The following KCNQ5 variants were observed in gnomAD, a reference collection of about 807,000 sequenced individuals.
KCNQ5 encodes the protein potassium voltage-gated channel subfamily KQT member 5.
KCNQ5 carries 30 observed loss-of-function variants against 98.2 expected under a neutral mutation model. That is an observed-to-expected ratio of 0.31 (90% CI 0.23 to 0.41). The LOEUF (loss-of-function observed/expected upper bound fraction) is 0.41. Ranked by LOEUF, KCNQ5 falls within the 10% of genes least tolerant of loss-of-function variation. The pLI is 1.00. For missense variants in KCNQ5, 835 were observed against 1,182.5 expected, an observed-to-expected ratio of 0.71 and a Z score of 4.31; for synonymous variants, 458 against 449.4, an observed-to-expected ratio of 1.02 and a Z score of -0.24.
intron 1 of KCNQ5, among the ~76,000 whole-genome samples, chr6:72,907,718 G>T (rs1245142858): frequency 6.6e-6 from 1 of 152,066 alleles, no homozygotes; most frequent in Non-Finnish European, 1.5e-5. Flanking sequence ...TGACAAGTCA[G>T]TATAAATGAT....
At chr6:73,129,042 T>G (rs1232986573) in intron 9 of KCNQ5, among the ~76,000 whole-genome samples, 1 of 152,232 alleles carries the variant, frequency 6.6e-6, no homozygotes, top group East Asian at 1.9e-4. Flanking sequence ...CTTTCTTCTG[T>G]GTGCAATGAA....
At chr6:73,048,912 T>C (rs1467787647) in intron 3 of KCNQ5, among the ~76,000 whole-genome samples, 2 of 152,252 alleles carry the variant, frequency 1.3e-5, no homozygotes, top group African/African-American at 4.8e-5. Context: ...TTAGTTATGA[T>C]GATTGCAGTG....
At chr6:72,644,434 G>A (rs572008189) in intron 1 of KCNQ5, among the ~76,000 whole-genome samples, 1 of 152,248 alleles carries the variant, frequency 6.6e-6, no homozygotes, top group East Asian at 1.9e-4. Context: ...AGTGTTAGCT[G>A]GGAACATATG....
At chr6:73,031,585 G>T (rs907658923) in intron 2 of KCNQ5, among the ~76,000 whole-genome samples, 3 of 152,164 alleles carry the variant, frequency 2.0e-5, no homozygotes, top group South Asian at 4.1e-4. Context: ...AATGGGTAAG[G>T]CATTTCTCTA....
At chr6:73,176,335 C>G (rs1037133863) in intron 11 of KCNQ5, among the ~76,000 whole-genome samples, 1 of 152,200 alleles carries the variant, frequency 6.6e-6, no homozygotes, top group Non-Finnish European at 1.5e-5. Flanking sequence ...TCTCTTTCTT[C>G]CTGCTGCTCC....
chr6:72,852,640 A>AATATATATATATATATAT (rs140435793), intron 1 of KCNQ5, among the ~76,000 whole-genome samples: 1,855 of 56,516 alleles, frequency 0.033, 219 homozygotes, highest in Admixed American at 0.07. Context: ...ATGAAGGGGA[A>AATATATATATATATATAT]ATATATATAT....
chr6:73,048,502 C>T (rs760795553), intron 3 of KCNQ5, among the ~76,000 whole-genome samples: 18 of 152,150 alleles, frequency 1.2e-4, no homozygotes, highest in Non-Finnish European at 2.1e-4. Context: ...TAAAGACAGG[C>T]CACCAGGCAA....
chr6:72,887,552 A>G (rs1778893219), intron 1 of KCNQ5, among the ~76,000 whole-genome samples: 1 of 152,218 alleles, frequency 6.6e-6, no homozygotes, highest in Non-Finnish European at 1.5e-5. Context: ...TTGACTACAA[A>G]TAATTGAAAA....
At chr6:72,719,626 A>G (rs1171521242) in intron 1 of KCNQ5, among the ~76,000 whole-genome samples, 1 of 152,130 alleles carries the variant, frequency 6.6e-6, no homozygotes, top group Non-Finnish European at 1.5e-5. Flanking sequence ...GCTTAGAGAT[A>G]CTTCTCTGTG....
intron 1 of KCNQ5, among the ~76,000 whole-genome samples, chr6:72,789,971 G>A (rs954043645): frequency 7.9e-5 from 12 of 152,160 alleles, no homozygotes; most frequent in Non-Finnish European, 5.9e-5. Context: ...GGCCCAGTGC[G>A]AGAGAACAGA....
chr6:72,705,506 T>G (rs1357755968), intron 1 of KCNQ5, among the ~76,000 whole-genome samples: 2 of 152,120 alleles, frequency 1.3e-5, no homozygotes, highest in African/African-American at 2.4e-5. Flanking sequence ...ATTGACATGT[T>G]GAAGCATTTT....
rs1300470994 is a variant in KCNQ5 at position 72,840,035 on chromosome 6, A to T, written c.399-163873A>T. On this transcript the variant is annotated intron_variant, in intron 1 of 13. Coordinates refer to ENST00000370398, the MANE Select transcript of KCNQ5 (RefSeq NM_019842.4). ...TCCCTCCCAACCTCTGGTAACTACC[A>T]ATCTACTCTGTGTTTTTATGAGTTT... is the stretch of plus-strand genomic sequence containing the variant. Among the ~76,000 whole-genome samples, 99 of 152,206 alleles carry T rather than the reference A, an allele frequency of 6.5e-4. 1 individual carries two copies. The highest frequency in any genetic ancestry group is 6.5e-3 in the Admixed American group (99 of 15,276).
intron 1 of KCNQ5, among the ~76,000 whole-genome samples, chr6:72,908,156 A>C (rs971552968): frequency 1.3e-5 from 2 of 152,094 alleles, no homozygotes; most frequent in African/African-American, 4.8e-5. Context: ...ATTTAAAAAG[A>C]GCTCAAATAC....
intron 1 of KCNQ5, among the ~76,000 whole-genome samples, chr6:72,716,341 G>A (rs1401768229): frequency 2.0e-5 from 3 of 152,226 alleles, no homozygotes; most frequent in Non-Finnish European, 4.4e-5. Flanking sequence ...CATGGTATGT[G>A]TGGTCATACT....
At chr6:72,729,203 A>G (rs1770432877) in intron 1 of KCNQ5, among the ~76,000 whole-genome samples, 1 of 152,198 alleles carries the variant, frequency 6.6e-6, no homozygotes, top group African/African-American at 2.4e-5. Flanking sequence ...AATTGTTGCA[A>G]TGACTAATCT....
intron 11 of KCNQ5, among the ~76,000 whole-genome samples, chr6:73,188,788 G>A (rs1003996028): frequency 6.6e-6 from 1 of 151,994 alleles, no homozygotes; most frequent in Non-Finnish European, 1.5e-5. Flanking sequence ...TTCGAGACCA[G>A]CCTGGCCAAT....
chr6:73,057,900 A>ATAGAG (rs1422672224), intron 3 of KCNQ5, among the ~76,000 whole-genome samples: 7 of 152,216 alleles, frequency 4.6e-5, no homozygotes, highest in African/African-American at 1.7e-4. Flanking sequence ...TACAAAACAC[A>ATAGAG]TAGACCAATG....
intron 1 of KCNQ5, among the ~76,000 whole-genome samples, chr6:72,869,415 G>A (rs1392291107): frequency 1.3e-5 from 2 of 152,180 alleles, no homozygotes; most frequent in Non-Finnish European, 2.9e-5. Flanking sequence ...TTAGCATTTA[G>A]ACAAAATGGT....
chr6:72,824,107 C>T (rs1014194935), intron 1 of KCNQ5, among the ~76,000 whole-genome samples: 3 of 151,812 alleles, frequency 2.0e-5, no homozygotes, highest in Admixed American at 6.6e-5. Flanking sequence ...TAAAATTAAA[C>T]ATTAGAGGTT....
Sources: allele counts gnomAD v4.1 joint callset (sites outside exome capture counted in the v4.1 genomes callset), GRCh38; gene constraint gnomAD v4.1.1; transcripts MANE v1.5; gene names NCBI Gene and HGNC (gene_info 2026-07-23, HGNC 2026-07-21).